The following RALGAPA2 variants were observed in gnomAD, a reference collection of about 807,000 sequenced individuals.
RALGAPA2 encodes the protein ral GTPase-activating protein subunit alpha-2.
In RALGAPA2, 139 loss-of-function variants were observed where a neutral mutation model predicts 230.4. That is an observed-to-expected ratio of 0.60 (90% CI 0.53 to 0.69). The LOEUF (loss-of-function observed/expected upper bound fraction) is 0.69. RALGAPA2 is among the 30% of genes least tolerant of loss of function. RALGAPA2 has a pLI of 0.00. For synonymous variants in RALGAPA2, 847 were observed against 837.8 expected, an observed-to-expected ratio of 1.01 and a Z score of -0.19; for missense variants, 2,163 against 2,276.0, an observed-to-expected ratio of 0.95 and a Z score of 1.01.
At chr20:20,527,066 G>A (rs1212065319) in intron 27 of RALGAPA2, among the ~76,000 whole-genome samples, 1 of 152,150 alleles carries the variant, frequency 6.6e-6, no homozygotes, top group Non-Finnish European at 1.5e-5. Flanking sequence ...GGAGAGCACA[G>A]AAGGGACAAG....
intron 23 of RALGAPA2, among the ~76,000 whole-genome samples, chr20:20,564,108 T>A (rs1385279586): frequency 6.6e-6 from 1 of 152,220 alleles, no homozygotes; most frequent in Non-Finnish European, 1.5e-5. Context: ...CTCAAAAACC[T>A]TCAACAGCTC....
intron 31 of RALGAPA2, among the ~76,000 whole-genome samples, chr20:20,518,818 G>A (rs2062952129): frequency 1.3e-5 from 2 of 152,086 alleles, no homozygotes; most frequent in African/African-American, 4.8e-5. Context: ...ATACTCATGT[G>A]GATGAGTATA....
At chr20:20,583,333 AT>A (rs1244592371) in intron 19 of RALGAPA2, 107 bp from the exon 20 acceptor site, 1 of 1,221,074 alleles carries the variant, frequency 8.2e-7, no homozygotes, top group Non-Finnish European at 1.1e-6. Context: ...CACAGTAGGA[AT>A]CATTCATGTT....
At position 20,547,662 on chromosome 20, in the gene RALGAPA2, T is replaced by TA. The variant is rs371550082; in HGVS notation, c.3157-831dup. ...AAGCGTGTTTGTGTGTGTGTGTGTG[T>TA]AACAGGAATTAGTAAGAAAACCACA... On this transcript the variant is annotated intron_variant, in intron 23 of 39. Coordinates refer to ENST00000202677, the MANE Select transcript of RALGAPA2 (RefSeq NM_020343.4). 4.9e-4 allele frequency among the ~76,000 whole-genome samples: 74 copies of TA among 152,314 alleles called. No homozygotes were observed. The South Asian group carries it at 5.0e-3, about 10-fold the overall frequency.
intron 3 of RALGAPA2, among the ~76,000 whole-genome samples, chr20:20,670,662 G>T (rs1001721302): frequency 2.7e-5 from 4 of 150,080 alleles, no homozygotes; most frequent in Admixed American, 1.3e-4. Context: ...AAAAAAGTAT[G>T]ATAGGCCAGG....
At chr20:20,458,499 TTA>T (rs1491387965) in intron 37 of RALGAPA2, among the ~76,000 whole-genome samples, 1 of 138,032 alleles carries the variant, frequency 7.2e-6, no homozygotes, top group African/African-American at 2.7e-5. Flanking sequence ...TTTATATATA[TTA>T]TATATAATAT....
In RALGAPA2 at chr20:20,654,648, G is replaced by GT. The variant is rs1267877307; in HGVS notation, c.271-1062_271-1061insA. ...TTTCTATATCCATTCATTCACTGAT[G>GT]GACACTTAGGTTGTTTCCATATCTC... On this transcript the variant is annotated intron_variant, in intron 3 of 39. Transcript: ENST00000202677. Among the ~76,000 whole-genome samples, 13 of 152,296 alleles carry GT rather than the reference G, an allele frequency of 8.5e-5. No homozygotes were observed. In the South Asian group the frequency reaches 2.7e-3, roughly 32 times the overall value.
chr20:20,529,781 C>T (rs950544139), intron 27 of RALGAPA2, among the ~76,000 whole-genome samples: 5 of 152,114 alleles, frequency 3.3e-5, no homozygotes, highest in African/African-American at 1.2e-4. Flanking sequence ...AATCACCTAG[C>T]GACACTCTTC....
At chr20:20,552,922 A>G (rs781259773) in intron 23 of RALGAPA2, among the ~76,000 whole-genome samples, 22 of 152,132 alleles carry the variant, frequency 1.4e-4, no homozygotes, top group Admixed American at 1.2e-3. Context: ...TAAAAAATAA[A>G]TCAAATCAAC....
intron 36 of RALGAPA2, among the ~76,000 whole-genome samples, chr20:20,489,630 G>A (rs994739866): frequency 3.3e-5 from 5 of 151,154 alleles, no homozygotes; most frequent in Non-Finnish European, 5.9e-5. Context: ...GTATAGCATA[G>A]AAAATACTAC....
At chr20:20,569,956 G>A (rs1300754753) in intron 23 of RALGAPA2, among the ~76,000 whole-genome samples, 1 of 152,098 alleles carries the variant, frequency 6.6e-6, no homozygotes, top group African/African-American at 2.4e-5. Context: ...TTTCACTGAA[G>A]GAGTTCATTA....
intron 37 of RALGAPA2, among the ~76,000 whole-genome samples, chr20:20,455,265 G>A (rs1010893730): frequency 6.6e-6 from 1 of 152,250 alleles, no homozygotes; most frequent in East Asian, 1.9e-4. Context: ...GGGTCTCGCT[G>A]TGCGAAAGGA....
intron 19 of RALGAPA2, among the ~76,000 whole-genome samples, chr20:20,584,226 T>C (rs1481548459): frequency 6.6e-6 from 1 of 152,212 alleles, no homozygotes; most frequent in Admixed American, 6.5e-5. Flanking sequence ...TCCAATCTCA[T>C]TCCATTTCTA....
chr20:20,530,754 G>T (rs931873942), intron 27 of RALGAPA2, among the ~76,000 whole-genome samples: 3 of 152,160 alleles, frequency 2.0e-5, no homozygotes, highest in African/African-American at 7.2e-5. Context: ...GCTCAGTGAG[G>T]TGGTCATTCT....
At chr20:20,616,837 TA>T (rs1387791061) in intron 12 of RALGAPA2, among the ~76,000 whole-genome samples, 1 of 152,194 alleles carries the variant, frequency 6.6e-6, no homozygotes, top group Non-Finnish European at 1.5e-5. Flanking sequence ...TTCTTAAGAT[TA>T]AAAGCTGAGA....
At chr20:20,703,975 A>G (rs2147006022) in intron 1 of RALGAPA2, among the ~76,000 whole-genome samples, 1 of 152,156 alleles carries the variant, frequency 6.6e-6, no homozygotes, top group South Asian at 2.1e-4. Context: ...CTCCCTAAGG[A>G]AAAAAAACAA....
Position 20,512,751 on chromosome 20 carries a change from G to T in RALGAPA2, c.4618C>A (p.Leu1540Ile), listed in dbSNP as rs773634279. The T allele has an allele frequency of 6.2e-7, 1 of 1,613,792 alleles. No homozygotes were observed. Among genetic ancestry groups the T allele is most frequent in the Non-Finnish European group, 8.5e-7 (1 of 1,179,722 alleles). Residue 1540 changes from leucine to isoleucine, a missense_variant, in exon 32 of 40, where the codon CTA becomes ATA. Physicochemically the swap from Leu to Ile is conservative, Grantham distance 5. Coordinates refer to ENST00000202677, the MANE Select transcript of RALGAPA2 (RefSeq NM_020343.4). ...TSPECLLPSQ[L>I]NLNEPSLTPC... is the part of the protein sequence containing the mutation. ...GTTAGGGAAGGTTCATTTAGATTTA[G>T]CTGTGACGGTAAAAGGCATTCAGGA...
intron 37 of RALGAPA2, among the ~76,000 whole-genome samples, chr20:20,438,213 A>T (rs1476570342): frequency 2.0e-5 from 3 of 152,220 alleles, no homozygotes. Flanking sequence ...AGATATTTTC[A>T]TGACGCATTA....
chr20:20,548,721 C>T (rs2063840749), intron 23 of RALGAPA2, among the ~76,000 whole-genome samples: 1 of 152,158 alleles, frequency 6.6e-6, no homozygotes, highest in Admixed American at 6.6e-5. Flanking sequence ...GTGTGGTAAA[C>T]TCAGGATCCA....
Sources: allele counts gnomAD v4.1 joint callset (sites outside exome capture counted in the v4.1 genomes callset), GRCh38; gene constraint gnomAD v4.1.1; transcripts MANE v1.5; gene names NCBI Gene and HGNC (gene_info 2026-07-23, HGNC 2026-07-21).